SYN3: variants seen among roughly 807,000 people sequenced by gnomAD.
SYN3 encodes synapsin-3.
Under a neutral mutation model 65.8 loss-of-function variants are expected in SYN3, and 35 were observed. The ratio of observed to expected loss-of-function variants is 0.53; its 90% CI spans 0.41 to 0.70. The LOEUF is 0.70. Among genes scored for constraint, SYN3 ranks in the 30% least tolerant of loss-of-function variants. The pLI is 0.00. For synonymous variants in SYN3, 270 were observed against 292.9 expected, an observed-to-expected ratio of 0.92 and a Z score of 0.80; for missense variants, 680 against 749.0, an observed-to-expected ratio of 0.91 and a Z score of 1.08.
chr22:32,684,286 T>C (rs2060561741), intron 6 of SYN3, among the ~76,000 whole-genome samples: 1 of 152,124 alleles, frequency 6.6e-6, no homozygotes, highest in Non-Finnish European at 1.5e-5. Flanking sequence ...TAAAGTGATC[T>C]AATCTAAATA....
At chr22:32,827,466 A>T (rs926424528) in intron 6 of SYN3, among the ~76,000 whole-genome samples, 13 of 147,224 alleles carry the variant, frequency 8.8e-5, no homozygotes, top group African/African-American at 3.3e-4. Flanking sequence ...ATTTTAAAAC[A>T]TGTGATGATA....
intron 7 of SYN3, among the ~76,000 whole-genome samples, chr22:32,543,768 TG>T (rs1175430844): frequency 1.3e-5 from 2 of 152,208 alleles, no homozygotes; most frequent in Admixed American, 1.3e-4. Context: ...TAGCAACCTC[TG>T]GGTGGTGCCC....
intron 6 of SYN3, among the ~76,000 whole-genome samples, chr22:32,800,097 C>A (rs999164767): frequency 6.6e-6 from 1 of 152,202 alleles, no homozygotes; most frequent in Admixed American, 6.5e-5. Context: ...CAAAAATGTT[C>A]TTGGAAATAC....
At chr22:32,663,379 A>T (rs2060244657) in intron 6 of SYN3, among the ~76,000 whole-genome samples, 1 of 150,926 alleles carries the variant, frequency 6.6e-6, no homozygotes, top group African/African-American at 2.4e-5. Context: ...GCTCACTGCA[A>T]GCTCCGCCTC....
chr22:32,554,118 A>G (rs2710381), intron 7 of SYN3, among the ~76,000 whole-genome samples: 17,361 of 152,224 alleles, frequency 0.11, 1,074 homozygotes, highest in African/African-American at 0.18. Flanking sequence ...CTCTGCAGGC[A>G]GATGTGTGCA....
chr22:32,617,405 C>T (rs1033349145), intron 6 of SYN3, among the ~76,000 whole-genome samples: 4 of 151,236 alleles, frequency 2.6e-5, no homozygotes, highest in Non-Finnish European at 4.4e-5. Flanking sequence ...AATGGGAATA[C>T]GGAGGCGCCT....
chr22:32,960,187 T>A (rs1432000663), intron 3 of SYN3, among the ~76,000 whole-genome samples: 2 of 152,138 alleles, frequency 1.3e-5, no homozygotes, highest in African/African-American at 2.4e-5. Flanking sequence ...GACTTGGAGA[T>A]ACCAAAGAGC....
At chr22:32,840,023 G>C (rs1333536234) in intron 6 of SYN3, among the ~76,000 whole-genome samples, 1 of 152,038 alleles carries the variant, frequency 6.6e-6, no homozygotes, top group African/African-American at 2.4e-5. Context: ...CCAGGACAGG[G>C]CATCCCCAGG....
intron 6 of SYN3, among the ~76,000 whole-genome samples, chr22:32,845,342 G>A (rs773421772): frequency 8.6e-5 from 13 of 151,980 alleles, no homozygotes; most frequent in Admixed American, 2.0e-4. Flanking sequence ...GACTACAGGC[G>A]GCCCCATGCC....
chr22:32,971,123 C>T (rs1395409942), intron 3 of SYN3, among the ~76,000 whole-genome samples: 1 of 152,222 alleles, frequency 6.6e-6, no homozygotes, highest in Non-Finnish European at 1.5e-5. Flanking sequence ...TTGCTTCTAT[C>T]ATCAATGTTA....
intron 6 of SYN3, among the ~76,000 whole-genome samples, chr22:32,600,242 C>A (rs1216344853): frequency 6.8e-6 from 1 of 147,796 alleles, no homozygotes; most frequent in Non-Finnish European, 1.5e-5. Context: ...ATTAGATTTA[C>A]ATAACGAGAG....
intron 6 of SYN3, among the ~76,000 whole-genome samples, chr22:32,716,338 G>A (rs894978148): frequency 6.6e-6 from 1 of 152,084 alleles, no homozygotes; most frequent in African/African-American, 2.4e-5. Flanking sequence ...AGGCAACTAG[G>A]TATGTGGGTA....
rs116539316 is a variant in SYN3 at position 32,744,841 on chromosome 22, G to T, written c.711+120074C>A. ...AGCAGGGTGGTCTGACAAGAGGGCA[G>T]ACCCAGGCAGAAAAGACACACAGAG... On this transcript the variant is annotated intron_variant, in intron 6 of 13. Coordinates refer to ENST00000358763, the MANE Select transcript of SYN3 (RefSeq NM_003490.4). Among the ~76,000 whole-genome samples the T allele has an allele frequency of 6.2e-3, 940 of 152,334 alleles. 18 individuals are homozygous for T. The highest frequency in any genetic ancestry group is 0.022 in the African/African-American group (898 of 41,578).
intron 4 of SYN3, among the ~76,000 whole-genome samples, chr22:32,883,609 G>A (rs567307795): frequency 6.6e-6 from 1 of 152,324 alleles, no homozygotes; most frequent in African/African-American, 2.4e-5. Flanking sequence ...ACCTGGGTTT[G>A]GAGATTTTTA....
intron 2 of SYN3, among the ~76,000 whole-genome samples, chr22:32,989,986 T>A (rs1402948493): frequency 6.6e-6 from 1 of 152,152 alleles, no homozygotes; most frequent in Non-Finnish European, 1.5e-5. Flanking sequence ...GAAGGCTACA[T>A]CATGCCTTCA....
At chr22:32,532,592 G>A (rs553810493) in intron 10 of SYN3, among the ~76,000 whole-genome samples, 1 of 26,220 alleles carries the variant, frequency 3.8e-5, no homozygotes, top group South Asian at 9.2e-4. Context: ...GAGAGGGGCT[G>A]TGTTCATCCT....
intron 1 of SYN3, among the ~76,000 whole-genome samples, chr22:33,032,502 C>T (rs1304131552): frequency 6.7e-6 from 1 of 149,594 alleles, no homozygotes; most frequent in Non-Finnish European, 1.5e-5. Flanking sequence ...AAGACTCCAT[C>T]TCAAAAAAAA....
chr22:32,849,465 G>C, intron 6 of SYN3: 1 of 1,613,750 alleles, frequency 6.2e-7, no homozygotes, highest in African/African-American at 1.3e-5. Flanking sequence ...TCCGGGCCAA[G>C]GTGGTGGGGA....
chr22:32,645,644 C>G (rs1450745753), intron 6 of SYN3, among the ~76,000 whole-genome samples: 1 of 152,172 alleles, frequency 6.6e-6, no homozygotes, highest in Non-Finnish European at 1.5e-5. Flanking sequence ...CTCTTGAGAC[C>G]CTTCTCCATT....
Sources: allele counts gnomAD v4.1 joint callset (sites outside exome capture counted in the v4.1 genomes callset), GRCh38; gene constraint gnomAD v4.1.1; transcripts MANE v1.5; gene names NCBI Gene and HGNC (gene_info 2026-07-23, HGNC 2026-07-21).